RORA: variants seen among roughly 807,000 people sequenced by gnomAD.
RORA encodes RAR related orphan receptor A, also known as nuclear receptor ROR-alpha.
RORA carries 7 observed loss-of-function variants against 69.5 expected under a neutral mutation model. That is an observed-to-expected ratio of 0.10 (90% confidence interval 0.06 to 0.19). The LOEUF is 0.19. RORA is among the 10% of genes least tolerant of loss of function. The pLI, the probability that RORA is intolerant of heterozygous loss-of-function variation, is 1.00. For missense variants in RORA, 457 were observed against 663.0 expected (o/e 0.69, Z 3.41); for synonymous variants, 261 against 240.8 (o/e 1.08, Z -0.78).
chr15:61,225,835 T>G (rs1051988329), intron 1 of RORA, among the ~76,000 whole-genome samples: 5 of 151,694 alleles, frequency 3.3e-5, no homozygotes, highest in Admixed American at 6.6e-5. Flanking sequence ...TTCGCTGTGG[T>G]TTTTTTTCCG....
At chr15:60,702,977 T>A (rs1265457370) in intron 1 of RORA, among the ~76,000 whole-genome samples, 1 of 152,224 alleles carries the variant, frequency 6.6e-6, no homozygotes, top group African/African-American at 2.4e-5. Flanking sequence ...CACAATGAGA[T>A]GTTCCGAGTT....
chr15:61,166,707 G>A (rs1311668919), intron 1 of RORA, among the ~76,000 whole-genome samples: 4 of 152,024 alleles, frequency 2.6e-5, no homozygotes, highest in Non-Finnish European at 5.9e-5. Context: ...GTTAGAGGGA[G>A]AGCCAGAGCT....
intron 1 of RORA, among the ~76,000 whole-genome samples, chr15:60,784,783 A>C (rs1595712728): frequency 6.6e-6 from 1 of 152,144 alleles, no homozygotes; most frequent in Admixed American, 6.5e-5. Context: ...TAGAAAACCA[A>C]CCTAACCTCT....
chr15:60,928,200 T>C (rs1056875202), intron 1 of RORA, among the ~76,000 whole-genome samples: 2 of 152,162 alleles, frequency 1.3e-5, no homozygotes, highest in Non-Finnish European at 2.9e-5. Context: ...CTCCCCTGCA[T>C]CTCACATGAG....
At chr15:60,795,248 A>G (rs1329076891) in intron 1 of RORA, among the ~76,000 whole-genome samples, 1 of 152,194 alleles carries the variant, frequency 6.6e-6, no homozygotes, top group East Asian at 1.9e-4. Context: ...ACCCGAAGTC[A>G]ATGTTTCAAA....
intron 1 of RORA, among the ~76,000 whole-genome samples, chr15:60,996,778 CAG>C (rs879513877): frequency 0.23 from 34,351 of 151,706 alleles, 4,274 homozygotes; most frequent in East Asian, 0.39. Flanking sequence ...GGAGTGGTGG[CAG>C]GCGCCTGTAG....
chr15:60,751,303 C>T (rs949415739), intron 1 of RORA, among the ~76,000 whole-genome samples: 3 of 152,058 alleles, frequency 2.0e-5, no homozygotes, highest in Non-Finnish European at 2.9e-5. Flanking sequence ...TTGGCAGTTG[C>T]GTGAAGATCA....
chr15:60,887,418 T>G (rs1311661199), intron 1 of RORA, among the ~76,000 whole-genome samples: 2 of 152,110 alleles, frequency 1.3e-5, no homozygotes, highest in Non-Finnish European at 2.9e-5. Context: ...GTCTCAGAAT[T>G]ATTGAAGACT....
intron 2 of RORA, among the ~76,000 whole-genome samples, chr15:60,608,451 C>T (rs1014543079): frequency 7.9e-5 from 12 of 152,120 alleles, no homozygotes; most frequent in African/African-American, 2.9e-4. Flanking sequence ...GTAAGTGAAG[C>T]TCAAAGAGGC....
At chr15:60,524,314 T>C (rs1293390389) in intron 3 of RORA, among the ~76,000 whole-genome samples, 1 of 152,208 alleles carries the variant, frequency 6.6e-6, no homozygotes, top group African/African-American at 2.4e-5. Context: ...TAAAGATATC[T>C]TTCTAAAACA....
At chr15:60,876,131 A>G (rs2073611149) in intron 1 of RORA, among the ~76,000 whole-genome samples, 1 of 152,204 alleles carries the variant, frequency 6.6e-6, no homozygotes, top group African/African-American at 2.4e-5. Flanking sequence ...TACTATTTCA[A>G]GCAAATCAAG....
chr15:61,096,147 G>T (rs900417287), intron 1 of RORA, among the ~76,000 whole-genome samples: 1 of 152,160 alleles, frequency 6.6e-6, no homozygotes, highest in African/African-American at 2.4e-5. Context: ...CACCTTACCA[G>T]GCCCACACCC....
chr15:61,118,961 C>T (rs894599018), intron 1 of RORA, among the ~76,000 whole-genome samples: 7 of 151,268 alleles, frequency 4.6e-5, no homozygotes, highest in African/African-American at 9.7e-5. Context: ...TGACATCAAG[C>T]GCAAAAAGGA....
intron 1 of RORA, among the ~76,000 whole-genome samples, chr15:60,748,513 G>A (rs1192602973): frequency 1.3e-5 from 2 of 152,172 alleles, no homozygotes; most frequent in Non-Finnish European, 2.9e-5. Context: ...GGTGGATTGT[G>A]CAGTGGCTTC....
chr15:60,957,348 G>C (rs1031633713), intron 1 of RORA, among the ~76,000 whole-genome samples: 2 of 152,234 alleles, frequency 1.3e-5, no homozygotes, highest in African/African-American at 4.8e-5. Flanking sequence ...ACTTTGCCAA[G>C]AAAGGCAGGT....
In RORA at chr15:60,511,366, G is replaced by A; in HGVS notation, c.680C>T (p.Pro227Leu). The A allele has an allele frequency of 6.2e-7, 1 of 1,614,220 alleles. No homozygotes were observed. Residue 227 changes from proline to leucine, a missense_variant, in exon 5 of 11, where the codon CCT becomes CTT. Pro to Leu is a moderately conservative substitution (Grantham distance 98). Coordinates refer to ENST00000335670, the MANE Select transcript of RORA (RefSeq NM_134261.3). This position sits in a 1 kb window ranked among gnomAD's most constrained non-coding sequence, Gnocchi z 6.4. ...AVSSFYLDIQ[P>L]SPDQSGLDIN... ...ATCAAGACCTGACTGGTCTGGGGAA[G>A]GCTGTATGTCCAGGTAGAAGCTGCT...
At chr15:60,795,242 G>A (rs17303174) in intron 1 of RORA, among the ~76,000 whole-genome samples, 28,700 of 152,048 alleles carry the variant, frequency 0.19, 3,114 homozygotes, top group East Asian at 0.46. Flanking sequence ...ATGGCAACCC[G>A]AAGTCAATGT....
At chr15:60,547,675 C>A (rs528592956) in intron 2 of RORA, 1 of 149,976 alleles carries the variant, frequency 6.7e-6, no homozygotes, top group Admixed American at 6.6e-5. Context: ...TCTTCACTTA[C>A]CTTTTTCAGC....
At chr15:61,000,615 G>A (rs1894714548) in intron 1 of RORA, among the ~76,000 whole-genome samples, 1 of 152,234 alleles carries the variant, frequency 6.6e-6, no homozygotes. Context: ...CTGCTAACCT[G>A]ACGGAAAATA....
Sources: gnomAD v4.1 joint callset for allele counts (sites outside exome capture counted in the v4.1 genomes callset) on GRCh38, gnomAD v4.1.1 for gene constraint, Gnocchi (gnomAD v3.1) non-coding constraint, MANE v1.5 for transcripts, NCBI Gene and HGNC (gene_info 2026-07-23, HGNC 2026-07-21) for gene names.